The following FSTL5 variants were observed in gnomAD, a reference collection of about 807,000 sequenced individuals.
FSTL5 encodes follistatin like 5.
A neutral mutation model predicts 89.1 loss-of-function variants in FSTL5; 62 were observed. The observed-to-expected ratio is 0.70, with a 90% CI of 0.57 to 0.86. FSTL5 has a LOEUF of 0.86. FSTL5 is among the 40% of genes least tolerant of loss of function. The pLI is 0.00. For synonymous variants in FSTL5, 383 were observed against 346.2 expected, an observed-to-expected ratio of 1.11 and a Z score of -1.18; for missense variants, 1,057 against 1,001.6, an observed-to-expected ratio of 1.06 and a Z score of -0.75.
At position 162,107,719 on chromosome 4, in the gene FSTL5, T is replaced by C. The variant is rs1188100119; in HGVS notation, c.126+3552A>G. ...AAACAAACTGAAAGAACATAAGATA[T>C]TTCTCCTGAGGTCAATGTCATTTTG... On this transcript the variant is annotated intron_variant, in intron 2 of 15. Transcript: ENST00000306100. Among the ~76,000 whole-genome samples the C allele has an allele frequency of 4.6e-5, 7 of 152,114 alleles. No homozygotes were observed. In the East Asian group the frequency reaches 1.3e-3, roughly 29 times the overall value.
chr4:161,552,302 A>C (rs1237682473), intron 8 of FSTL5, among the ~76,000 whole-genome samples: 2 of 151,888 alleles, frequency 1.3e-5, no homozygotes, highest in Non-Finnish European at 2.9e-5. Context: ...TAATAAGACA[A>C]AGTTTATCTT....
At chr4:161,852,823 G>A (rs1731597433) in intron 4 of FSTL5, among the ~76,000 whole-genome samples, 1 of 152,106 alleles carries the variant, frequency 6.6e-6, no homozygotes, top group Admixed American at 6.6e-5. Context: ...GACATGGATG[G>A]AGCTGGGGTC....
Position 161,694,220 on chromosome 4 carries a change from T to C in FSTL5, c.728-37726A>G, listed in dbSNP as rs1738055331. Among the ~76,000 whole-genome samples, 7 of 152,268 alleles carry C rather than the reference T, an allele frequency of 4.6e-5. No homozygotes were observed. In the South Asian group the frequency reaches 1.4e-3, roughly 32 times the overall value. Reference sequence around the variant, plus strand: ...GAATTTTCTTTTTAAATGTAGATATTTAGAACTATATAGAGAAAGAAATAA... The same window carrying C: ...GAATTTTCTTTTTAAATGTAGATATCTAGAACTATATAGAGAAAGAAATAA... On this transcript the variant is annotated intron_variant, in intron 6 of 15. Coordinates refer to ENST00000306100, the MANE Select transcript of FSTL5 (RefSeq NM_020116.5).
intron 6 of FSTL5, among the ~76,000 whole-genome samples, chr4:161,734,871 CA>C (rs776150822): frequency 6.7e-6 from 1 of 149,488 alleles, no homozygotes; most frequent in Non-Finnish European, 1.5e-5. Context: ...GAGACAGTGG[CA>C]GAGCTCACAC....
chr4:161,749,095 C>G (rs1015554518), intron 6 of FSTL5, among the ~76,000 whole-genome samples: 2 of 152,098 alleles, frequency 1.3e-5, no homozygotes, highest in Non-Finnish European at 2.9e-5. Context: ...ATTAGTTCAA[C>G]CACTATGGAA....
intron 15 of FSTL5, among the ~76,000 whole-genome samples, chr4:161,397,008 A>T (rs1488867874): frequency 1.3e-5 from 2 of 152,172 alleles, no homozygotes; most frequent in Non-Finnish European, 2.9e-5. Flanking sequence ...TCAGTTACTT[A>T]TCTTAAGGAT....
intron 2 of FSTL5, among the ~76,000 whole-genome samples, chr4:162,098,421 T>A (rs1353219528): frequency 6.6e-6 from 1 of 152,016 alleles, no homozygotes; most frequent in Non-Finnish European, 1.5e-5. Flanking sequence ...TGCAAAAATA[T>A]ACACTTTTGT....
intron 12 of FSTL5, among the ~76,000 whole-genome samples, chr4:161,494,386 T>C (rs1729993503): frequency 1.3e-5 from 2 of 152,176 alleles, no homozygotes; most frequent in African/African-American, 4.8e-5. Flanking sequence ...CAAATGACTA[T>C]TTTTGAGGAC....
chr4:161,975,930 A>G (rs1735629675), intron 3 of FSTL5, among the ~76,000 whole-genome samples: 2 of 150,210 alleles, frequency 1.3e-5, no homozygotes, highest in African/African-American at 4.9e-5. Flanking sequence ...CCTGGCTAAC[A>G]CCATGAAACC....
intron 3 of FSTL5, among the ~76,000 whole-genome samples, chr4:162,013,741 A>G (rs1456213224): frequency 1.3e-5 from 2 of 151,882 alleles, no homozygotes; most frequent in Non-Finnish European, 2.9e-5. Flanking sequence ...GGTTTAGATT[A>G]AATTATGTAA....
chr4:161,957,366 T>A (rs541964116), intron 3 of FSTL5, among the ~76,000 whole-genome samples: 1 of 152,256 alleles, frequency 6.6e-6, no homozygotes, highest in African/African-American at 2.4e-5. Flanking sequence ...ACAGTTATAA[T>A]AATTATATTC....
At chr4:161,524,382 G>A (rs182533091) in intron 10 of FSTL5, among the ~76,000 whole-genome samples, 99 of 152,008 alleles carry the variant, frequency 6.5e-4, no homozygotes, top group African/African-American at 2.1e-3. Context: ...CTGACCACCC[G>A]GGGCACATCT....
intron 12 of FSTL5, among the ~76,000 whole-genome samples, chr4:161,492,632 AAC>A (rs1729921343): frequency 6.6e-6 from 1 of 152,126 alleles, no homozygotes; most frequent in Non-Finnish European, 1.5e-5. Context: ...TAATTTGCCA[AAC>A]AACCCATCAT....
At chr4:161,992,861 A>AAATAT (rs1553989495) in intron 3 of FSTL5, among the ~76,000 whole-genome samples, 1 of 76,264 alleles carries the variant, frequency 1.3e-5, no homozygotes, top group African/African-American at 5.4e-5. Context: ...AAAAAAAAAA[A>AAATAT]ATATATATAT....
At chr4:161,801,404 C>A (rs1210970087) in intron 4 of FSTL5, among the ~76,000 whole-genome samples, 2 of 151,436 alleles carry the variant, frequency 1.3e-5, no homozygotes, top group Admixed American at 6.6e-5. Flanking sequence ...TCGTTCTCAG[C>A]TTTATGCCTT....
chr4:161,995,701 T>C (rs987639122), intron 3 of FSTL5, among the ~76,000 whole-genome samples: 2 of 152,056 alleles, frequency 1.3e-5, no homozygotes, highest in Non-Finnish European at 2.9e-5. Flanking sequence ...ATAATTAATT[T>C]CTGTTCTCCA....
intron 13 of FSTL5, among the ~76,000 whole-genome samples, chr4:161,459,988 A>G (rs1339067450): frequency 6.6e-6 from 1 of 151,414 alleles, no homozygotes; most frequent in Non-Finnish European, 1.5e-5. Context: ...TTTACTTAAA[A>G]CAAAATTCTC....
intron 8 of FSTL5, among the ~76,000 whole-genome samples, chr4:161,545,168 G>A (rs1052644737): frequency 6.6e-6 from 1 of 151,960 alleles, no homozygotes; most frequent in Non-Finnish European, 1.5e-5. Flanking sequence ...AGTAACTTAG[G>A]GATATAATGA....
chr4:161,565,670 A>C (rs1732771123), intron 8 of FSTL5, among the ~76,000 whole-genome samples: 1 of 150,250 alleles, frequency 6.7e-6, no homozygotes, highest in Non-Finnish European at 1.5e-5. Flanking sequence ...GAAAACACTT[A>C]ATTGTTAACC....
Sources: gnomAD v4.1 joint callset for allele counts (sites outside exome capture counted in the v4.1 genomes callset) on GRCh38, gnomAD v4.1.1 for gene constraint, MANE v1.5 for transcripts, NCBI Gene and HGNC (gene_info 2026-07-23, HGNC 2026-07-21) for gene names.